RAB31: variants seen among roughly 807,000 people sequenced by gnomAD.
RAB31 encodes the protein RAB31, member RAS oncogene family.
RAB31 carries 21 observed loss-of-function variants against 25.6 expected under a neutral mutation model. The observed-to-expected ratio is 0.82, with a 90% CI of 0.58 to 1.18. The LOEUF (loss-of-function observed/expected upper bound fraction) is 1.18, where lower values mean the gene tolerates loss of function less well. Among genes scored for constraint, RAB31 ranks in the 50% most tolerant of loss-of-function variants. The pLI is 0.00. For synonymous variants in RAB31, 87 were observed against 84.0 expected, an observed-to-expected ratio of 1.04 and a Z score of -0.20; for missense variants, 196 against 250.1, an observed-to-expected ratio of 0.78 and a Z score of 1.46.
At chr18:9,833,106 A>T (rs1194551436) in intron 5 of RAB31, among the ~76,000 whole-genome samples, 1 of 152,138 alleles carries the variant, frequency 6.6e-6, no homozygotes, top group Non-Finnish European at 1.5e-5. Context: ...ATGACCCAAG[A>T]CCTGGCCCAG....
chr18:9,748,625 G>A (rs2068217785), intron 1 of RAB31, among the ~76,000 whole-genome samples: 1 of 152,144 alleles, frequency 6.6e-6, no homozygotes, highest in African/African-American at 2.4e-5. Context: ...AGATGCGGTG[G>A]CTCATGCCTG....
At chr18:9,778,016 G>A (rs986035655) in intron 2 of RAB31, among the ~76,000 whole-genome samples, 8 of 151,984 alleles carry the variant, frequency 5.3e-5, no homozygotes, top group Non-Finnish European at 7.4e-5. Flanking sequence ...GCCTCCCAAA[G>A]TGCTGGGATT....
chr18:9,775,176 A>T, intron 1 of RAB31, 102 bp from the exon 2 acceptor site: 1 of 1,566,848 alleles, frequency 6.4e-7, no homozygotes, highest in African/African-American at 1.3e-5. Flanking sequence ...ATCAACCAGA[A>T]ATAGCCAGTC....
chr18:9,730,288 CTTTTTTT>C (rs34004989), intron 1 of RAB31, among the ~76,000 whole-genome samples: 1 of 140,940 alleles, frequency 7.1e-6, no homozygotes, highest in African/African-American at 2.6e-5. Flanking sequence ...CTCACCTTAT[CTTTTTTT>C]TTTTTTTTTG....
intron 6 of RAB31, 28 bp from the exon 7 acceptor site, chr18:9,859,200 C>G: frequency 6.4e-7 from 1 of 1,567,144 alleles, no homozygotes; most frequent in Non-Finnish European, 8.8e-7. Flanking sequence ...GGAAAGGGAA[C>G]TCACCCTTGG....
At chr18:9,758,467 C>T (rs1453772555) in intron 1 of RAB31, among the ~76,000 whole-genome samples, 3 of 152,042 alleles carry the variant, frequency 2.0e-5, no homozygotes, top group African/African-American at 7.2e-5. Context: ...TTCCCTTCTC[C>T]ATTCACCAGT....
chr18:9,777,661 T>G (rs144522493), intron 2 of RAB31, among the ~76,000 whole-genome samples: 1 of 152,198 alleles, frequency 6.6e-6, no homozygotes, highest in East Asian at 1.9e-4. Context: ...AACTGTGAAG[T>G]ATGGTTCCAG....
intron 1 of RAB31, among the ~76,000 whole-genome samples, chr18:9,768,342 C>G (rs1314736337): frequency 1.3e-5 from 2 of 152,186 alleles, no homozygotes; most frequent in Non-Finnish European, 2.9e-5. Context: ...TCCTATTTCT[C>G]CACATCCTCT....
chr18:9,728,007 A>G (rs2068103969), intron 1 of RAB31, among the ~76,000 whole-genome samples: 1 of 152,226 alleles, frequency 6.6e-6, no homozygotes, highest in South Asian at 2.1e-4. Context: ...CTTAATGTAT[A>G]CTTGTAAAGA....
chr18:9,737,170 C>T (rs1364694365), intron 1 of RAB31, among the ~76,000 whole-genome samples: 1 of 152,142 alleles, frequency 6.6e-6, no homozygotes, highest in African/African-American at 2.4e-5. Flanking sequence ...ATAAAAATTC[C>T]AATCAGATAC....
intron 2 of RAB31, among the ~76,000 whole-genome samples, chr18:9,782,202 T>G (rs1459318449): frequency 6.6e-6 from 1 of 152,264 alleles, no homozygotes; most frequent in African/African-American, 2.4e-5. Flanking sequence ...ATGTCCTGCC[T>G]GGTCCCTAGA....
At chr18:9,793,029 C>T (rs2068469125) in intron 3 of RAB31, among the ~76,000 whole-genome samples, 1 of 152,190 alleles carries the variant, frequency 6.6e-6, no homozygotes, top group Non-Finnish European at 1.5e-5. Flanking sequence ...AGGGAAATGA[C>T]GAATACTAGC....
rs748962610 is a variant in RAB31, at chr18:9,737,972, TG to T, written c.39+29530del. On this transcript the variant is annotated intron_variant, in intron 1 of 6. Transcript: ENST00000578921. ...GACAGGCTTACCAACAACGTGGTCC[TG>T]GCAGGCAGCCAGCCGGCCGGCATTT... Among the ~76,000 whole-genome samples the T allele has an allele frequency of 1.4e-4, 22 of 152,304 alleles. No homozygotes were observed. In the East Asian group the frequency reaches 3.9e-3, roughly 27 times the overall value.
intron 1 of RAB31, 55 bp from the exon 2 acceptor site, chr18:9,775,223 C>T (rs12607206): frequency 0.076 from 122,912 of 1,610,660 alleles, 5,608 homozygotes; most frequent in Admixed American, 0.18. Context: ...GTTAACCTCA[C>T]AACCTGTGAG....
chr18:9,833,632 C>G (rs957158184), intron 5 of RAB31, among the ~76,000 whole-genome samples: 1 of 152,164 alleles, frequency 6.6e-6, no homozygotes, highest in Non-Finnish European at 1.5e-5. Context: ...TTGTTTAATT[C>G]TGGCACATAC....
intron 2 of RAB31, 92 bp downstream of exon 2, chr18:9,775,449 C>A: frequency 6.4e-7 from 1 of 1,562,438 alleles, no homozygotes; most frequent in Non-Finnish European, 8.7e-7. Context: ...CAGGCAGGGC[C>A]ACAGTTTTCA....
At chr18:9,827,382 G>C (rs2068655134) in intron 5 of RAB31, among the ~76,000 whole-genome samples, 1 of 152,136 alleles carries the variant, frequency 6.6e-6, no homozygotes, top group South Asian at 2.1e-4. Context: ...AGTGACGATG[G>C]GGGCTGGGTT....
chr18:9,784,156 C>T lies in RAB31; in HGVS notation c.120-7998C>T, dbSNP rs2068419878. On this transcript the variant is annotated intron_variant, in intron 2 of 6. Coordinates refer to ENST00000578921, the MANE Select transcript of RAB31 (RefSeq NM_006868.4). The stretch of plus-strand genomic sequence containing the variant: ...GGCTCAAGGGATCCTCCTGCATCAG[C>T]TTCCTGAGTAGCTGGGACTACATGC... 2.0e-5 allele frequency among the ~76,000 whole-genome samples: 3 copies of T among 152,044 alleles called. No homozygotes were observed. The South Asian group carries it at 6.2e-4, about 32-fold the overall frequency.
intron 5 of RAB31, among the ~76,000 whole-genome samples, chr18:9,845,165 A>T (rs2068754642): frequency 6.6e-6 from 1 of 152,238 alleles, no homozygotes; most frequent in African/African-American, 2.4e-5. Flanking sequence ...GATTTGTGAA[A>T]GATAATATGT....
Sources: gnomAD v4.1 joint callset for allele counts (sites outside exome capture counted in the v4.1 genomes callset) on GRCh38, gnomAD v4.1.1 for gene constraint, MANE v1.5 for transcripts, NCBI Gene and HGNC (gene_info 2026-07-23, HGNC 2026-07-21) for gene names.